Variants in ARHGAP10 observed in about 807,000 individuals in gnomAD.
ARHGAP10 encodes the protein Rho GTPase activating protein 10, also known as rho GTPase-activating protein 10.
In ARHGAP10, 87 loss-of-function variants were observed where a neutral mutation model predicts 108.6. That is an observed-to-expected ratio of 0.80 (90% confidence interval 0.67 to 0.96). ARHGAP10 has a LOEUF of 0.96. Among genes scored for constraint, ARHGAP10 ranks in the 40% least tolerant of loss-of-function variants. The pLI is 0.00. For missense variants in ARHGAP10, 939 were observed against 954.5 expected, an observed-to-expected ratio of 0.98 and a Z score of 0.21; for synonymous variants, 347 against 341.1, an observed-to-expected ratio of 1.02 and a Z score of -0.19.
chr4:148,043,653 T>TA (rs1728741025), intron 19 of ARHGAP10, among the ~76,000 whole-genome samples: 1 of 58,374 alleles, frequency 1.7e-5, no homozygotes, highest in Non-Finnish European at 4.1e-5. Context: ...ATATATATAT[T>TA]TTAGGTGTAT....
intron 1 of ARHGAP10, among the ~76,000 whole-genome samples, chr4:147,807,840 T>G (rs1369932302): frequency 1.3e-5 from 2 of 152,256 alleles, no homozygotes; most frequent in Non-Finnish European, 2.9e-5. Context: ...TCCTGCCTAG[T>G]GTCCTTTGAA....
At chr4:147,917,850 G>A (rs537487777) in intron 13 of ARHGAP10, among the ~76,000 whole-genome samples, 62 of 150,988 alleles carry the variant, frequency 4.1e-4, no homozygotes, top group African/African-American at 1.3e-3. Flanking sequence ...TCTTAAAGTC[G>A]CATTTATTAA....
In ARHGAP10 at chr4:147,946,637, G is replaced by A; in HGVS notation, c.1324G>A (p.Val442Met). 1 of 1,612,696 alleles carries A rather than the reference G, an allele frequency of 6.2e-7. No homozygotes were observed. The highest frequency in any genetic ancestry group is 8.5e-7 in the Non-Finnish European group (1 of 1,179,546). The change falls in exon 15 of 23, where the codon GTG becomes ATG. Residue 442 changes from valine to methionine, a missense_variant. Coordinates refer to ENST00000336498, the MANE Select transcript of ARHGAP10 (RefSeq NM_024605.4). ...ACTAGATGTAAAAACATGCAATGAGGTGGACCTGGAGAATTCTGCAGATTG... is the reference window on the plus strand; with the variant it reads ...ACTAGATGTAAAAACATGCAATGAGATGGACCTGGAGAATTCTGCAGATTG... The part of the protein sequence containing the change: ...MLMDVKTCNE[V>M]DLENSADWEV...
intron 8 of ARHGAP10, among the ~76,000 whole-genome samples, chr4:147,878,774 C>CTTTTT (rs11384854): frequency 9.6e-5 from 12 of 124,846 alleles, no homozygotes; most frequent in African/African-American, 1.6e-4. Flanking sequence ...CCTTCTTCCT[C>CTTTTT]TTTTTTTTTT....
chr4:148,057,970 A>T (rs570531639), intron 20 of ARHGAP10, among the ~76,000 whole-genome samples: 4 of 152,188 alleles, frequency 2.6e-5, no homozygotes, highest in African/African-American at 9.7e-5. Flanking sequence ...GGCGACTTGC[A>T]TGTCACAGGC....
chr4:148,054,576 G>T (rs1729282170), intron 20 of ARHGAP10, among the ~76,000 whole-genome samples: 1 of 152,308 alleles, frequency 6.6e-6, no homozygotes, highest in African/African-American at 2.4e-5. Flanking sequence ...AACCTTTCTA[G>T]CCTTGGAGAA....
intron 1 of ARHGAP10, among the ~76,000 whole-genome samples, chr4:147,808,753 C>A (rs1377812127): frequency 6.6e-6 from 1 of 152,146 alleles, no homozygotes; most frequent in African/African-American, 2.4e-5. Context: ...TTGGAGCATT[C>A]TCAACTCTGG....
At position 147,776,367 on chromosome 4, in the gene ARHGAP10, G is replaced by A. The variant is rs373510704; in HGVS notation, c.154+43912G>A. On this transcript the variant is annotated intron_variant, in intron 1 of 22. Coordinates refer to ENST00000336498, the MANE Select transcript of ARHGAP10 (RefSeq NM_024605.4). ...CCTGAGTAGCTGGAATTACAGGAAC[G>A]CGTCACCACACCCAGCTAATTTTTG... 3.9e-5 allele frequency among the ~76,000 whole-genome samples: 6 copies of A among 152,146 alleles called. No homozygotes were observed. The East Asian group carries it at 5.8e-4, about 15-fold the overall frequency.
intron 18 of ARHGAP10, among the ~76,000 whole-genome samples, chr4:147,985,872 A>C (rs1740026087): frequency 6.6e-6 from 1 of 152,162 alleles, no homozygotes; most frequent in African/African-American, 2.4e-5. Flanking sequence ...CAGTAAGGGA[A>C]ATGACAGCGG....
At chr4:147,784,792 T>C (rs1730787073) in intron 1 of ARHGAP10, among the ~76,000 whole-genome samples, 1 of 34,812 alleles carries the variant, frequency 2.9e-5, no homozygotes, top group African/African-American at 5.6e-5. Context: ...TTATAAAATA[T>C]ATATTATAAA....
At chr4:147,873,902 A>T (rs1167374391) in intron 7 of ARHGAP10, among the ~76,000 whole-genome samples, 1 of 151,780 alleles carries the variant, frequency 6.6e-6, no homozygotes, top group Non-Finnish European at 1.5e-5. Context: ...GGGGATAAGA[A>T]AACCTGGAGA....
chr4:147,882,556 A>AC (rs1299989333), intron 10 of ARHGAP10, among the ~76,000 whole-genome samples: 16 of 152,298 alleles, frequency 1.1e-4, no homozygotes, highest in African/African-American at 3.9e-4. Context: ...CTGGGTGACA[A>AC]AGCTAAAAAG....
rs1739147604 is a variant in ARHGAP10 at position 147,964,906 on chromosome 4, T to C, written c.1451-118T>C. 9.2e-6 allele frequency: 6 copies of C among 653,202 alleles called. No individual in the cohort carries two copies. In the Middle Eastern group the frequency reaches 2.2e-3, roughly 241 times the overall value. 40.5% of individuals were successfully genotyped at this position (653,202 alleles called of 1,614,324 possible). On this transcript the variant is annotated intron_variant, in intron 16 of 22. Transcript: ENST00000336498. ...TGTTTACATTCTCCATGTTTGATAA[T>C]CTTGAACAGAGGAGCTGTTGTCATT...
chr4:147,948,212 T>C (rs1420559605), intron 15 of ARHGAP10, among the ~76,000 whole-genome samples: 2 of 152,122 alleles, frequency 1.3e-5, no homozygotes, highest in Admixed American at 6.6e-5. Flanking sequence ...TGCTGGGATC[T>C]ACCTGCCACT....
intron 7 of ARHGAP10, 32 bp downstream of exon 7, chr4:147,866,848 A>G: frequency 6.6e-7 from 1 of 1,510,014 alleles, no homozygotes; most frequent in Non-Finnish European, 9.1e-7. Context: ...TTATAAAAAG[A>G]TGTTTGAAAA....
intron 1 of ARHGAP10, among the ~76,000 whole-genome samples, chr4:147,787,825 G>T (rs1293357511): frequency 6.6e-6 from 1 of 152,110 alleles, no homozygotes; most frequent in Non-Finnish European, 1.5e-5. Flanking sequence ...CATGATGCCT[G>T]GGGGGAAGAC....
intron 1 of ARHGAP10, among the ~76,000 whole-genome samples, chr4:147,774,026 G>C (rs900176471): frequency 1.3e-5 from 2 of 152,224 alleles, no homozygotes; most frequent in South Asian, 4.1e-4. Flanking sequence ...TGTGATCTCA[G>C]GCAAGTTACC....
chr4:148,000,294 T>C (rs929380151), intron 18 of ARHGAP10, among the ~76,000 whole-genome samples: 1 of 152,222 alleles, frequency 6.6e-6, no homozygotes, highest in Admixed American at 6.5e-5. Flanking sequence ...CCATGGTGTA[T>C]ATGTGCCACA....
At chr4:147,776,246 G>A (rs965494156) in intron 1 of ARHGAP10, among the ~76,000 whole-genome samples, 2 of 152,188 alleles carry the variant, frequency 1.3e-5, no homozygotes, top group African/African-American at 4.8e-5. Context: ...CTAAGACGGA[G>A]TCTTGCTCTG....
Sources: allele counts gnomAD v4.1 joint callset (sites outside exome capture counted in the v4.1 genomes callset), GRCh38; gene constraint gnomAD v4.1.1; transcripts MANE v1.5; gene names NCBI Gene and HGNC (gene_info 2026-07-23, HGNC 2026-07-21).